Variants in FCSK observed in about 807,000 individuals in gnomAD.
FCSK encodes L-fucose kinase.
In FCSK, 123 loss-of-function variants were observed where a neutral mutation model predicts 122.5. That is an observed-to-expected ratio of 1.00 (90% confidence interval 0.87 to 1.17). The LOEUF is 1.17. Among genes scored for constraint, FCSK ranks in the 50% most tolerant of loss-of-function variants. The pLI is 0.00. For synonymous variants in FCSK, 620 were observed against 625.5 expected, an observed-to-expected ratio of 0.99 and a Z score of 0.13; for missense variants, 1,366 against 1,450.4, an observed-to-expected ratio of 0.94 and a Z score of 0.95.
rs752810500 is a variant in FCSK at position 70,468,861 on chromosome 16, GTCT to G, written c.683_685del (p.Phe228del). The stretch of plus-strand genomic sequence containing the variant: ...GGGTCCCTTCCAGGTCTCTGGGGTT[GTCT>G]TCTTCTCTGTGGAGACTGCCGAGCG... On this transcript the variant is annotated inframe_deletion, in exon 9 of 24. Coordinates refer to ENST00000288078, the MANE Select transcript of FCSK (RefSeq NM_145059.3). 9.3e-6 allele frequency: 15 copies of G among 1,613,978 alleles called. No homozygotes were observed. The highest frequency in any genetic ancestry group is 2.2e-5 in the South Asian group (2 of 91,088).
intron 4 of FCSK, among the ~76,000 whole-genome samples, chr16:70,465,532 C>G: frequency 6.6e-6 from 1 of 152,178 alleles, no homozygotes; most frequent in East Asian, 1.9e-4. Flanking sequence ...GTGGTGCACA[C>G]CTGTAGTCCC....
chr16:70,474,849 G>A lies in FCSK; in HGVS notation c.2215G>A (p.Ala739Thr). The A allele has an allele frequency of 6.3e-7, 1 of 1,596,690 alleles. No homozygotes were observed. The change falls in exon 18 of 24, where the codon GCT becomes ACT. Residue 739 changes from alanine (A) to threonine (T), a missense_variant. Coordinates refer to ENST00000288078, the MANE Select transcript of FCSK (RefSeq NM_145059.3). The stretch of plus-strand genomic sequence containing the variant: ...GCTTGGCGGGGCTGTGCTGGGCCTG[G>A]CTGTGCGAGTGGACGGCCGCCGGCC... ...YELGGAVLGL[A>T]VRVDGRRPIG...
chr16:70,457,283 G>A (rs1323362007), intron 1 of FCSK, among the ~76,000 whole-genome samples: 1 of 151,920 alleles, frequency 6.6e-6, no homozygotes, highest in African/African-American at 2.4e-5. Flanking sequence ...TTGAGACAGA[G>A]TCGCTCTGTT....
At chr16:70,467,832 C>A in intron 7 of FCSK, 54 bp from the exon 8 acceptor site, 3 of 1,487,662 alleles carry the variant, frequency 2.0e-6, no homozygotes, top group South Asian at 2.3e-5. Flanking sequence ...GCTGTGGCCT[C>A]CTTCCAGATC....
intron 23 of FCSK, 59 bp downstream of exon 23, chr16:70,479,462 C>A: frequency 6.6e-7 from 1 of 1,519,592 alleles, no homozygotes; most frequent in Non-Finnish European, 9.0e-7. Context: ...CTCACTGTGG[C>A]CCACCAGTTA....
chr16:70,463,641 A>G lies in FCSK; in HGVS notation c.101A>G (p.Lys34Arg), dbSNP rs757254446. The G allele has an allele frequency of 2.4e-5, 39 of 1,613,476 alleles. No individual in the cohort carries two copies. In the Middle Eastern group the frequency reaches 6.8e-4, roughly 28 times the overall value. ...ACCCTAGAACTGGAAGTGCGGCAGAAGCGGGAGCAGATCCCTGCTGGGACG... is the reference window on the plus strand; with the variant it reads ...ACCCTAGAACTGGAAGTGCGGCAGAGGCGGGAGCAGATCCCTGCTGGGACG... ...VFQRELEVRQ[K>R]REQIPAGTLL... Residue 34 changes from lysine (K) to arginine (R), a missense_variant, in exon 3 of 24, where the codon AAG (lysine) becomes AGG (arginine). Transcript: ENST00000288078.
chr16:70,458,411 C>T (rs375453090), intron 1 of FCSK, among the ~76,000 whole-genome samples: 11 of 151,200 alleles, frequency 7.3e-5, no homozygotes, highest in East Asian at 5.9e-4. Flanking sequence ...CCACCCGCCT[C>T]GGCCTCCCAA....
At position 70,474,796 on chromosome 16, in the gene FCSK, G is replaced by A. The variant is rs1430938973; in HGVS notation, c.2162G>A (p.Trp721Ter). The A allele has an allele frequency of 6.4e-7, 1 of 1,574,286 alleles. No homozygotes were observed. Among genetic ancestry groups the A allele is most frequent in the Non-Finnish European group, 8.6e-7 (1 of 1,159,996 alleles). The change falls in exon 18 of 24, where the codon TGG becomes TAG. Residue 721 changes from tryptophan (W) to a stop codon, truncating the protein, a stop_gained. Transcript: ENST00000288078. LOFTEE classifies it high-confidence loss of function. ...CPARVDFSGG[W>*]SDTPPLAYEL... The stretch of plus-strand genomic sequence containing the variant: ...TCTTGCCACACTGCCATAGGGGGCT[G>A]GAGTGACACGCCACCCCTTGCCTAT...
Position 70,479,833 on chromosome 16 carries a change from A to T in FCSK, c.*153A>T, listed in dbSNP as rs560976539. 2.0e-5 allele frequency: 12 copies of T among 609,080 alleles called. No individual in the cohort carries two copies. Among genetic ancestry groups the T allele is most frequent in the South Asian group, 1.6e-4 (8 of 50,304 alleles). 37.7% of individuals were successfully genotyped at this position (609,080 alleles called of 1,614,324 possible). A position where few individuals can be genotyped will look rare whatever the true frequency, so the allele number is the denominator to read the frequency against. On this transcript the variant is annotated 3_prime_UTR_variant, in exon 24 of 24. Transcript: ENST00000288078. ...CAGAGCAAGATCTGGGCAAGCAGAG[A>T]GTGCCTGGGACAGGACTGTGACCTG...
Position 70,474,153 on chromosome 16 carries a change from G to A in FCSK, c.1802G>A (p.Gly601Asp). The change falls in exon 16 of 24, where the codon GGT becomes GAT. Residue 601 changes from glycine to aspartate, a missense_variant. Transcript: ENST00000288078. The stretch of plus-strand genomic sequence containing the variant: ...GTTGCAGCTGGGGCAGGAGACCCTG[G>A]TGTGGCGGCACGGGCACTGGCCTGT... Reference protein sequence around the residue: ...DQVAAGAGDPGVAARALACVA... With the variant: ...DQVAAGAGDPDVAARALACVA... 1 of 1,553,082 alleles carries A rather than the reference G, an allele frequency of 6.4e-7. No homozygotes were observed. Among genetic ancestry groups the A allele is most frequent in the South Asian group, 1.2e-5 (1 of 84,420 alleles).
rs1214380133 is a variant in FCSK, at chr16:70,477,951, G to A, written c.2642-321G>A. The A allele has an allele frequency of 2.9e-5, 8 of 275,726 alleles. No homozygotes were observed. In the East Asian group the frequency reaches 6.2e-4, roughly 21 times the overall value. The allele number at this position is 275,726 out of a possible 1,614,324, so 17.1% of individuals were successfully genotyped here. ...GCCCGCCTTAGCCTCCCAAAGTGCT[G>A]TGATTACAGGCGTGTGCCACCGTGC... On this transcript the variant is annotated intron_variant, in intron 20 of 23. Transcript: ENST00000288078.
rs1198024312 is a variant in FCSK, at chr16:70,474,220, C to T, written c.1869C>T (p.Gly623=). The change falls in exon 16 of 24, where the codon GGC becomes GGT. Residue 623 remains glycine (G), a synonymous_variant. Transcript: ENST00000288078. The part of the protein sequence containing the change: ...VLGCMAEGRG[G]LRSGPAANPE... ...GCTGCATGGCAGAGGGCCGTGGGGG[C>T]TTGCGGAGCGGGCCAGCTGCCAACC... is the stretch of plus-strand genomic sequence containing the variant. The T allele has an allele frequency of 1.3e-6, 2 of 1,596,328 alleles. No homozygotes were observed. Among genetic ancestry groups the T allele is most frequent in the Non-Finnish European group, 1.7e-6 (2 of 1,172,652 alleles).
chr16:70,476,562 G>A (rs915305762), intron 20 of FCSK, among the ~76,000 whole-genome samples: 1 of 151,868 alleles, frequency 6.6e-6, no homozygotes, highest in African/African-American at 2.4e-5. Flanking sequence ...TGGCCACCGA[G>A]CCCCCTGGAA....
chr16:70,475,151 G>C lies in FCSK; in HGVS notation c.2377+140G>C. ...AGCCTGAAGGGAAGGAAGGGGCTGG[G>C]AGTCAACCTGCAAAGATGACACGTG... On this transcript the variant is annotated intron_variant, in intron 18 of 23. Transcript: ENST00000288078. 3 of 995,068 alleles carry C rather than the reference G, an allele frequency of 3.0e-6. No individual in the cohort carries two copies. The Admixed American group carries it at 7.8e-5, about 26-fold the overall frequency. The allele number at this position is 995,068 out of a possible 1,614,324, so 61.6% of individuals were successfully genotyped here.
chr16:70,464,012 C>T (rs1396146155), intron 3 of FCSK, among the ~76,000 whole-genome samples: 7 of 151,558 alleles, frequency 4.6e-5, no homozygotes, highest in Non-Finnish European at 1.0e-4. Context: ...GTGAGGCTTT[C>T]TGGCTTCTCT....
At position 70,467,386 on chromosome 16, in the gene FCSK, A is replaced by G. The variant is rs1276128839; in HGVS notation, c.497A>G (p.Asp166Gly). 6.2e-7 allele frequency: 1 copy of G among 1,608,904 alleles called. No homozygotes were observed. The highest frequency in any genetic ancestry group is 8.5e-7 in the Non-Finnish European group (1 of 1,178,060). ...CCCCACCCCACAGGTATCAGCTGGG[A>G]CAGCTTCCGGGGAGCCAGAGTGATC... ...SVPANPGISW[D>G]SFRGARVIAL... Residue 166 changes from aspartate (D) to glycine (G), a missense_variant, in exon 7 of 24, where the codon GAC (aspartate) becomes GGC (glycine). By Grantham distance (94) the Asp-to-Gly change is moderately conservative. Coordinates refer to ENST00000288078, the MANE Select transcript of FCSK (RefSeq NM_145059.3).
chr16:70,479,007 T>G, intron 22 of FCSK, 173 bp from the exon 23 acceptor site: 1 of 651,218 alleles, frequency 1.5e-6, no homozygotes, highest in Non-Finnish European at 2.7e-6. Context: ...TTCCTGCACA[T>G]TGGTCCTCAG....
intron 10 of FCSK, among the ~76,000 whole-genome samples, chr16:70,469,728 A>G (rs574713523): frequency 2.1e-3 from 321 of 151,766 alleles, no homozygotes; most frequent in Non-Finnish European, 4.2e-3. Context: ...TAATTTTTCT[A>G]TTTTTAGTTG....
intron 22 of FCSK, chr16:70,478,960 C>G (rs1263825239): frequency 8.9e-6 from 6 of 673,708 alleles, no homozygotes; most frequent in Admixed American, 8.6e-5. Flanking sequence ...TTCACAGCTC[C>G]CTAGATGCCG....
Sources: allele counts gnomAD v4.1 joint callset (sites outside exome capture counted in the v4.1 genomes callset), GRCh38; gene constraint gnomAD v4.1.1; transcripts MANE v1.5; gene names NCBI Gene and HGNC (gene_info 2026-07-23, HGNC 2026-07-21).